The following MYBPC2 variants were observed in gnomAD, a reference collection of about 807,000 sequenced individuals.
MYBPC2 encodes myosin binding protein C2.
MYBPC2 carries 122 observed loss-of-function variants against 137.0 expected under a neutral mutation model. That is an observed-to-expected ratio of 0.89 (90% CI 0.77 to 1.03). The LOEUF (loss-of-function observed/expected upper bound fraction) is 1.03. Among genes scored for constraint, MYBPC2 ranks in the 50% least tolerant of loss-of-function variants. The pLI, the probability that MYBPC2 is intolerant of heterozygous loss-of-function variation, is 0.00. For missense variants in MYBPC2, 1,500 were observed against 1,534.4 expected (o/e 0.98, Z 0.37); for synonymous variants, 626 against 612.3 (o/e 1.02, Z -0.33).
rs577208849 is a variant in MYBPC2, at chr19:50,438,210, T to C, written c.572+492T>C. ...ATCTATCTACCCACATATCCATCCG[T>C]TAACCACCATTTTCCCACCTGTTTA... On this transcript the variant is annotated intron_variant, in intron 7 of 27. Coordinates refer to ENST00000357701, the MANE Select transcript of MYBPC2 (RefSeq NM_004533.4). Among the ~76,000 whole-genome samples, 3 of 152,318 alleles carry C rather than the reference T, an allele frequency of 2.0e-5. No individual in the cohort carries two copies. The South Asian group carries it at 6.2e-4, about 32-fold the overall frequency.
intron 16 of MYBPC2, 79 bp downstream of exon 16, chr19:50,452,082 C>G: frequency 7.0e-7 from 1 of 1,430,324 alleles, no homozygotes; most frequent in Non-Finnish European, 9.6e-7. Flanking sequence ...GAGTTTCATC[C>G]TCTATAAAAT....
chr19:50,452,054 C>G (rs2039864210), intron 16 of MYBPC2, 51 bp downstream of exon 16: 2 of 1,514,418 alleles, frequency 1.3e-6, no homozygotes, highest in Non-Finnish European at 1.8e-6. Flanking sequence ...TTAGGCAAGT[C>G]TCTTTCCCCC....
rs935412329 is a variant in MYBPC2 at position 50,435,724 on chromosome 19, C to T, written c.110-52C>T. ...CCTTTCCCCAAAGCGGCCCACTGTC[C>T]CCTCCCCAGCCTATCTCAGACCTCC... On this transcript the variant is annotated intron_variant, in intron 2 of 27. Transcript: ENST00000357701. The surrounding 1 kb of genome is among the most constrained non-coding windows in gnomAD (Gnocchi z 4.8). 2 of 1,484,628 alleles carry T rather than the reference C, an allele frequency of 1.3e-6. No individual in the cohort carries two copies. Among genetic ancestry groups the T allele is most frequent in the Non-Finnish European group, 1.8e-6 (2 of 1,092,118 alleles). The allele number at this position is 1,484,628 out of a possible 1,614,324, so 92.0% of individuals were successfully genotyped here.
chr19:50,435,380 G>T lies in MYBPC2; in HGVS notation c.109+130G>T. 1 of 652,704 alleles carries T rather than the reference G, an allele frequency of 1.5e-6. No homozygotes were observed. Among genetic ancestry groups the T allele is most frequent in the Non-Finnish European group, 2.8e-6 (1 of 357,414 alleles). The allele number at this position is 652,704 out of a possible 1,614,324, so 40.4% of individuals were successfully genotyped here. A position where few individuals can be genotyped will look rare whatever the true frequency, so the allele number is the denominator to read the frequency against. On this transcript the variant is annotated intron_variant, in intron 2 of 27. Coordinates refer to ENST00000357701, the MANE Select transcript of MYBPC2 (RefSeq NM_004533.4). This position sits in a 1 kb window ranked among gnomAD's most constrained non-coding sequence, Gnocchi z 4.8. ...CCGCACAGCCCCAGGGCTGACCCACGCCTCCCGTGCTCCCAGCCCTCCCGG... is the reference window on the plus strand; with the variant it reads ...CCGCACAGCCCCAGGGCTGACCCACTCCTCCCGTGCTCCCAGCCCTCCCGG...
At chr19:50,438,598 G>A (rs769246742) in intron 7 of MYBPC2, among the ~76,000 whole-genome samples, 20 of 152,104 alleles carry the variant, frequency 1.3e-4, no homozygotes, top group Non-Finnish European at 2.9e-4. Context: ...GGGTGCAGTG[G>A]TTCACGCCTA....
chr19:50,452,244 T>C (rs2039865489), intron 16 of MYBPC2, among the ~76,000 whole-genome samples: 1 of 152,192 alleles, frequency 6.6e-6, no homozygotes. Context: ...AGTTTAGGCT[T>C]CCAGCCAGCC....
At position 50,454,038 on chromosome 19, in the gene MYBPC2, G is replaced by A. The variant is rs1649918048; in HGVS notation, c.1768G>A (p.Gly590Ser). 6.2e-7 allele frequency: 1 copy of A among 1,604,918 alleles called. No homozygotes were observed. The highest frequency in any genetic ancestry group is 1.3e-5 in the African/African-American group (1 of 74,630). Residue 590 changes from glycine (G) to serine (S), a missense_variant, in exon 17 of 28, where the codon GGC becomes AGC. By Grantham distance (56) the Gly-to-Ser change is moderately conservative. Transcript: ENST00000357701. ...CGTTCAGGTATTCACGACCACCGAG[G>A]GCAGGACCCGCATCGAGAAGCGGGT... ...KGDEVFTTTE[G>S]RTRIEKRVDC...
chr19:50,456,434 TC>T (rs1161710066), intron 20 of MYBPC2, among the ~76,000 whole-genome samples: 82 of 24,542 alleles, frequency 3.3e-3, no homozygotes, highest in East Asian at 0.032. Context: ...TCTCTCTCTC[TC>T]TTTTTTTTTT....
rs1364379290 is a variant in MYBPC2 at position 50,461,623 on chromosome 19, C to T, written c.3013C>T (p.Arg1005Ter). ...DLIVGNEYYFRVYTENICGLS... is the reference protein window; with the variant it reads ...DLIVGNEYYF ...TATCGTGGGCAATGAATACTATTTC[C>T]GAGTTTACACCGAGAACATCTGTGG... is the stretch of plus-strand genomic sequence containing the variant. Residue 1005 changes from arginine to a stop codon, truncating the protein, a stop_gained, in exon 25 of 28, where the codon CGA becomes TGA. Coordinates refer to ENST00000357701, the MANE Select transcript of MYBPC2 (RefSeq NM_004533.4). LOFTEE classifies it high-confidence loss of function. 1.9e-6 allele frequency: 3 copies of T among 1,613,638 alleles called. No individual in the cohort carries two copies. The highest frequency in any genetic ancestry group is 2.5e-6 in the Non-Finnish European group (3 of 1,179,806).
intron 7 of MYBPC2, 67 bp downstream of exon 7, chr19:50,437,785 C>T: frequency 3.3e-6 from 5 of 1,509,346 alleles, no homozygotes; most frequent in Non-Finnish European, 4.5e-6. Flanking sequence ...GGGTGAAGCT[C>T]CATGGCCCAC....
intron 20 of MYBPC2, among the ~76,000 whole-genome samples, chr19:50,457,845 A>C (rs1358404183): frequency 6.6e-6 from 1 of 151,068 alleles, no homozygotes. Context: ...TTGCCCGGCT[A>C]AGTATTGTGT....
At chr19:50,434,186 C>T (rs548692288) in intron 1 of MYBPC2, among the ~76,000 whole-genome samples, 11 of 152,186 alleles carry the variant, frequency 7.2e-5, no homozygotes, top group Admixed American at 5.2e-4. Flanking sequence ...GGCAAAACCC[C>T]GTCACTACAA....
chr19:50,451,869 C>A lies in MYBPC2; in HGVS notation c.1615C>A (p.Pro539Thr). Residue 539 changes from proline (P) to threonine (T), a missense_variant, in exon 16 of 28, where the codon CCA (proline) becomes ACA (threonine). By Grantham distance (38) the Pro-to-Thr change is conservative. Transcript: ENST00000357701. The part of the protein sequence containing the change: ...KVEYVPKQEP[P>T]KIHLDCSGKT... ...TATCTCTTCTGTGCCACCAGAGCCA[C>A]CAAAGATCCACTTGGATTGCTCGGG... 1 of 1,592,358 alleles carries A rather than the reference C, an allele frequency of 6.3e-7. No individual in the cohort carries two copies. The highest frequency in any genetic ancestry group is 8.6e-7 in the Non-Finnish European group (1 of 1,169,130).
intron 11 of MYBPC2, among the ~76,000 whole-genome samples, chr19:50,445,280 C>T (rs991804528): frequency 3.3e-5 from 5 of 152,012 alleles, no homozygotes; most frequent in Non-Finnish European, 5.9e-5. Flanking sequence ...TTCCTCTGTG[C>T]GGACCTCTCC....
rs10426838 is a variant in MYBPC2, at chr19:50,440,559, A to G, written c.573-321A>G. On this transcript the variant is annotated intron_variant, in intron 7 of 27. Transcript: ENST00000357701. ...GAGCCTGTAGTCCCAGCTACTCGGG[A>G]GGCTGAGGCAGAAGAATCGCCTGAA... 7.7e-3 allele frequency among the ~76,000 whole-genome samples: 1,161 copies of G among 151,122 alleles called. 19 individuals are homozygous for G. The highest frequency in any genetic ancestry group is 0.027 in the African/African-American group (1,106 of 41,180).
chr19:50,454,093 C>A lies in MYBPC2; in HGVS notation c.1823C>A (p.Ala608Glu), dbSNP rs371496229. The A allele has an allele frequency of 9.3e-6, 15 of 1,611,710 alleles. No individual in the cohort carries two copies. Among genetic ancestry groups the A allele is most frequent in the Non-Finnish European group, 1.3e-5 (15 of 1,179,012 alleles). Residue 608 changes from alanine (A) to glutamate (E), a missense_variant, in exon 17 of 28, where the codon GCG (alanine) becomes GAG (glutamate). Coordinates refer to ENST00000357701, the MANE Select transcript of MYBPC2 (RefSeq NM_004533.4). ...TGCAGCAGCTTTGTGATTGAGAGTG[C>A]GCAGCGGGAAGACGAGGGCCGCTAC... is the stretch of plus-strand genomic sequence containing the variant. ...VDCSSFVIESAQREDEGRYTI... is the reference protein window; with the variant it reads ...VDCSSFVIESEQREDEGRYTI...
At chr19:50,443,118 C>T in intron 9 of MYBPC2, among the ~76,000 whole-genome samples, 1 of 151,822 alleles carries the variant, frequency 6.6e-6, no homozygotes, top group East Asian at 1.9e-4. Flanking sequence ...ATAGCGAGAT[C>T]CCATCTCTAC....
chr19:50,435,203 C>T lies in MYBPC2; in HGVS notation c.62C>T (p.Ala21Val), dbSNP rs1454135193. The T allele has an allele frequency of 9.1e-6, 13 of 1,429,908 alleles. No individual in the cohort carries two copies. In the Admixed American group the frequency reaches 1.6e-4, roughly 17 times the overall value. 88.6% of individuals were successfully genotyped at this position (1,429,908 alleles called of 1,614,324 possible). ...AAAGGCAAAGATGCCCCCAAAGGAGCCCCCAAGGAGGCTCCCCCTAAGGAG... is the reference window on the plus strand; with the variant it reads ...AAAGGCAAAGATGCCCCCAAAGGAGTCCCCAAGGAGGCTCCCCCTAAGGAG... ...APKGKDAPKG[A>V]PKEAPPKEAP... The change falls in exon 2 of 28, where the codon GCC becomes GTC. Residue 21 changes from alanine to valine, a missense_variant. Ala to Val is a moderately conservative substitution (Grantham distance 64). Transcript: ENST00000357701. This position sits in a 1 kb window ranked among gnomAD's most constrained non-coding sequence, Gnocchi z 4.8.
intron 11 of MYBPC2, 77 bp downstream of exon 11, chr19:50,443,893 T>G: frequency 1.5e-6 from 2 of 1,292,772 alleles, no homozygotes; most frequent in Non-Finnish European, 2.2e-6. Context: ...TTATGGGACC[T>G]CCTGTGACTT....
Sources: allele counts gnomAD v4.1 joint callset (sites outside exome capture counted in the v4.1 genomes callset), GRCh38; gene constraint gnomAD v4.1.1; non-coding constraint Gnocchi (gnomAD v3.1); transcripts MANE v1.5; gene names NCBI Gene and HGNC (gene_info 2026-07-23, HGNC 2026-07-21).